PRKCA: variants seen among roughly 807,000 people sequenced by gnomAD.
PRKCA encodes protein kinase C alpha.
PRKCA carries 27 observed loss-of-function variants against 87.0 expected under a neutral mutation model. The ratio of observed to expected loss-of-function variants is 0.31; its 90% confidence interval spans 0.23 to 0.43. The LOEUF (loss-of-function observed/expected upper bound fraction) is 0.43, where lower values mean the gene tolerates loss of function less well. Among genes scored for constraint, PRKCA ranks in the 20% least tolerant of loss-of-function variants. PRKCA has a pLI of 1.00. For synonymous variants in PRKCA, 329 were observed against 311.1 expected, an observed-to-expected ratio of 1.06 and a Z score of -0.61; for missense variants, 518 against 852.3, an observed-to-expected ratio of 0.61 and a Z score of 4.88.
chr17:66,358,344 A>G (rs1054653436), intron 2 of PRKCA, among the ~76,000 whole-genome samples: 1 of 152,178 alleles, frequency 6.6e-6, no homozygotes. Context: ...GATAAACTTA[A>G]CTGATCACTT....
At chr17:66,549,231 A>C (rs144643990) in intron 3 of PRKCA, among the ~76,000 whole-genome samples, 268 of 151,084 alleles carry the variant, frequency 1.8e-3, no homozygotes, top group African/African-American at 6.2e-3. Context: ...TGAGGCTTAG[A>C]GAGATGGATT....
At chr17:66,387,505 T>C (rs2143619258) in intron 2 of PRKCA, among the ~76,000 whole-genome samples, 1 of 152,320 alleles carries the variant, frequency 6.6e-6, no homozygotes, top group Non-Finnish European at 1.5e-5. Flanking sequence ...TTGTGGAGGC[T>C]CCTGATGGCT....
chr17:66,414,141 T>G (rs1468941031), intron 2 of PRKCA, among the ~76,000 whole-genome samples: 1 of 152,154 alleles, frequency 6.6e-6, no homozygotes, highest in Non-Finnish European at 1.5e-5. Flanking sequence ...ACCAGTGATA[T>G]GGTTTGGATC....
At chr17:66,476,044 C>A (rs1227343630) in intron 2 of PRKCA, among the ~76,000 whole-genome samples, 1 of 152,074 alleles carries the variant, frequency 6.6e-6, no homozygotes, top group Non-Finnish European at 1.5e-5. Context: ...ATTACACGTG[C>A]CTGCCACCAG....
At chr17:66,441,022 C>G (rs76200175) in intron 2 of PRKCA, among the ~76,000 whole-genome samples, 3 of 151,658 alleles carry the variant, frequency 2.0e-5, no homozygotes, top group Admixed American at 1.3e-4. Flanking sequence ...ATTAGCCGGG[C>G]GTGGTAGCAG....
rs772019060 is a variant in PRKCA, at chr17:66,493,303, G to GTT, written c.206-2897_206-2896insTT. On this transcript the variant is annotated intron_variant, in intron 2 of 16. Coordinates refer to ENST00000413366, the MANE Select transcript of PRKCA (RefSeq NM_002737.3). ...TATGTCTATGTAGGTATATTTGTGT[G>GTT]TGTGTGTGTGTGTGTGTGTGTGTAT... Among the ~76,000 whole-genome samples the GTT allele has an allele frequency of 3.0e-4, 46 of 151,004 alleles. No homozygotes were observed. The East Asian group carries it at 4.9e-3, about 16-fold the overall frequency.
chr17:66,523,679 C>T (rs977499236), intron 3 of PRKCA, among the ~76,000 whole-genome samples: 6 of 152,062 alleles, frequency 3.9e-5, no homozygotes, highest in African/African-American at 1.4e-4. Context: ...AGCGAATGCA[C>T]CTGACTATTT....
intron 3 of PRKCA, among the ~76,000 whole-genome samples, chr17:66,585,167 G>A (rs1969555776): frequency 1.3e-5 from 2 of 152,130 alleles, no homozygotes; most frequent in African/African-American, 4.8e-5. Flanking sequence ...CATAGTGTAG[G>A]AAGAAGATGG....
intron 2 of PRKCA, among the ~76,000 whole-genome samples, chr17:66,478,757 C>T (rs369211232): frequency 5.9e-5 from 9 of 151,812 alleles, no homozygotes; most frequent in East Asian, 3.9e-4. Flanking sequence ...GAGACAGCCC[C>T]GTATCACGTT....
At chr17:66,562,631 G>A (rs1461056983) in intron 3 of PRKCA, among the ~76,000 whole-genome samples, 7 of 151,534 alleles carry the variant, frequency 4.6e-5, no homozygotes, top group Non-Finnish European at 2.9e-5. Context: ...GAGTCTCACT[G>A]AGTCACCCAG....
At chr17:66,359,309 A>G (rs1436545927) in intron 2 of PRKCA, among the ~76,000 whole-genome samples, 1 of 152,052 alleles carries the variant, frequency 6.6e-6, no homozygotes, top group African/African-American at 2.4e-5. Flanking sequence ...GAAAACCTAC[A>G]CTCAACAGAA....
At chr17:66,538,319 G>C (rs1362730221) in intron 3 of PRKCA, among the ~76,000 whole-genome samples, 1 of 152,140 alleles carries the variant, frequency 6.6e-6, no homozygotes. Context: ...CCACCCAACT[G>C]ACTGCTCTGG....
At chr17:66,793,388 G>A (rs1598949005) in intron 16 of PRKCA, among the ~76,000 whole-genome samples, 1 of 151,986 alleles carries the variant, frequency 6.6e-6, no homozygotes, top group African/African-American at 2.4e-5. Context: ...TCAGGAGTCC[G>A]AGACCAACCT....
intron 16 of PRKCA, chr17:66,796,485 C>T: frequency 1.0e-6 from 1 of 985,332 alleles, no homozygotes; most frequent in Middle Eastern, 5.2e-4. Context: ...CAGTGGGCCT[C>T]CAGGTCTTCG....
At chr17:66,329,736 C>T (rs569403950) in intron 2 of PRKCA, among the ~76,000 whole-genome samples, 3 of 152,238 alleles carry the variant, frequency 2.0e-5, no homozygotes, top group Admixed American at 2.0e-4. Flanking sequence ...GTTGGAGCTT[C>T]ATCGTAATGG....
At chr17:66,647,547 C>G (rs1276144146) in intron 5 of PRKCA, among the ~76,000 whole-genome samples, 1 of 152,214 alleles carries the variant, frequency 6.6e-6, no homozygotes, top group Non-Finnish European at 1.5e-5. Flanking sequence ...AAGCAGCAAC[C>G]ATATGGTACT....
intron 2 of PRKCA, among the ~76,000 whole-genome samples, chr17:66,385,788 G>A (rs1254879235): frequency 6.6e-6 from 1 of 152,062 alleles, no homozygotes; most frequent in Non-Finnish European, 1.5e-5. Flanking sequence ...TTCCGAGACG[G>A]CATCTTGCTG....
intron 2 of PRKCA, among the ~76,000 whole-genome samples, chr17:66,319,598 A>G (rs12936026): frequency 0.014 from 2,140 of 152,296 alleles, 27 homozygotes; most frequent in Non-Finnish European, 0.023. Context: ...TAAGTAGAAT[A>G]TATTTCATGT....
chr17:66,579,256 G>A (rs1162405444), intron 3 of PRKCA, among the ~76,000 whole-genome samples: 1 of 152,180 alleles, frequency 6.6e-6, no homozygotes, highest in Non-Finnish European at 1.5e-5. Flanking sequence ...GCTGTGAAGT[G>A]GCAGGAAGGA....
Sources: allele counts gnomAD v4.1 joint callset (sites outside exome capture counted in the v4.1 genomes callset), GRCh38; gene constraint gnomAD v4.1.1; transcripts MANE v1.5; gene names NCBI Gene and HGNC (gene_info 2026-07-23, HGNC 2026-07-21).